AKAP6: variants seen among roughly 807,000 people sequenced by gnomAD.
AKAP6 encodes A-kinase anchoring protein 6.
Under a neutral mutation model 188.5 loss-of-function variants are expected in AKAP6, and 58 were observed. The ratio of observed to expected loss-of-function variants is 0.31; its 90% CI spans 0.25 to 0.38. The LOEUF (loss-of-function observed/expected upper bound fraction) is 0.38, where lower values mean the gene tolerates loss of function less well. AKAP6 is among the 10% of genes least tolerant of loss of function. AKAP6 has a pLI of 1.00. For missense variants in AKAP6, 2,710 were observed against 2,740.0 expected (o/e 0.99, Z 0.24); for synonymous variants, 989 against 998.6 (o/e 0.99, Z 0.18).
chr14:32,518,482 G>A (rs1881641209), intron 2 of AKAP6, among the ~76,000 whole-genome samples: 1 of 152,142 alleles, frequency 6.6e-6, no homozygotes, highest in Non-Finnish European at 1.5e-5. Flanking sequence ...AGAATAAACA[G>A]CATAGAAAAG....
At chr14:32,441,180 ATGAC>A (rs563168618) in intron 2 of AKAP6, among the ~76,000 whole-genome samples, 43 of 152,212 alleles carry the variant, frequency 2.8e-4, no homozygotes, top group African/African-American at 1.0e-3. Flanking sequence ...AGTAGTCTGA[ATGAC>A]TGACTGTACA....
chr14:32,365,098 C>A (rs1400887361), intron 1 of AKAP6, among the ~76,000 whole-genome samples: 3 of 152,260 alleles, frequency 2.0e-5, no homozygotes, highest in East Asian at 1.9e-4. Context: ...TGGACTCCCT[C>A]ACTGTTCAAC....
At chr14:32,548,408 T>C (rs1291520169) in intron 4 of AKAP6, among the ~76,000 whole-genome samples, 1 of 113,370 alleles carries the variant, frequency 8.8e-6, no homozygotes, top group Non-Finnish European at 1.9e-5. Flanking sequence ...GGCCCATACA[T>C]TTTTTTTTTT....
rs543689341 is a variant in AKAP6 at position 32,835,436 on chromosome 14, T to G, written c.*5631T>G. On this transcript the variant is annotated 3_prime_UTR_variant, in exon 14 of 14. Transcript: ENST00000280979. ...TTGATTGATTTAGAGGGTTAGTCAA[T>G]TACAGACTAAATAATTAGTTCAATC... 1 of 152,326 alleles carries G rather than the reference T, an allele frequency of 6.6e-6. No individual in the cohort carries two copies. The highest frequency in any genetic ancestry group is 1.9e-4 in the East Asian group (1 of 5,184). The allele number at this position is 152,326 out of a possible 1,614,324, so 9.4% of individuals were successfully genotyped here. A position where few individuals can be genotyped will look rare whatever the true frequency, so the allele number is the denominator to read the frequency against.
chr14:32,789,755 A>G (rs2033550988), intron 12 of AKAP6, among the ~76,000 whole-genome samples: 1 of 152,260 alleles, frequency 6.6e-6, no homozygotes. Context: ...AGATAAGCCC[A>G]CAAAATGAGA....
chr14:32,340,340 A>G (rs1223837769), intron 1 of AKAP6, among the ~76,000 whole-genome samples: 1 of 152,170 alleles, frequency 6.6e-6, no homozygotes, highest in East Asian at 1.9e-4. Flanking sequence ...GCAATGTACA[A>G]ATACATTACT....
intron 7 of AKAP6, among the ~76,000 whole-genome samples, chr14:32,626,789 C>T (rs762310520): frequency 3.3e-5 from 5 of 152,096 alleles, no homozygotes; most frequent in South Asian, 2.1e-4. Context: ...CACATTGCTT[C>T]GGTGTGGTTT....
intron 8 of AKAP6, among the ~76,000 whole-genome samples, chr14:32,682,182 T>C (rs1889705381): frequency 6.6e-6 from 1 of 152,158 alleles, no homozygotes; most frequent in African/African-American, 2.4e-5. Flanking sequence ...GAGATGGTTT[T>C]TGAAAGAGGG....
chr14:32,515,693 C>T (rs1360240850), intron 2 of AKAP6, among the ~76,000 whole-genome samples: 1 of 152,138 alleles, frequency 6.6e-6, no homozygotes, highest in African/African-American at 2.4e-5. Flanking sequence ...TTCAGACTCT[C>T]TGATGCCTAG....
intron 1 of AKAP6, among the ~76,000 whole-genome samples, chr14:32,352,103 TTGTGTG>T (rs398024717): frequency 0.093 from 11,164 of 120,278 alleles, 518 homozygotes; most frequent in South Asian, 0.19. Flanking sequence ...GTGTGTGTGT[TTGTGTG>T]TGTGTGTGTG....
At chr14:32,767,941 G>A (rs1298132591) in intron 11 of AKAP6, among the ~76,000 whole-genome samples, 8 of 152,040 alleles carry the variant, frequency 5.3e-5, no homozygotes, top group South Asian at 2.1e-4. Context: ...CCTTTGCCTC[G>A]TATTTATTTC....
At chr14:32,777,706 C>T (rs1341533790) in intron 12 of AKAP6, among the ~76,000 whole-genome samples, 1 of 152,138 alleles carries the variant, frequency 6.6e-6, no homozygotes, top group Middle Eastern at 3.2e-3. Flanking sequence ...TATCTTCAAG[C>T]AGCCTAATTG....
intron 1 of AKAP6, among the ~76,000 whole-genome samples, chr14:32,364,026 CAG>C (rs143856287): frequency 0.023 from 3,436 of 152,222 alleles, 124 homozygotes; most frequent in African/African-American, 0.077. Context: ...AGGATGAAGT[CAG>C]GGGGCTGTGT....
intron 2 of AKAP6, among the ~76,000 whole-genome samples, chr14:32,499,236 T>A (rs1880479954): frequency 6.6e-6 from 1 of 151,694 alleles, no homozygotes; most frequent in Non-Finnish European, 1.5e-5. Flanking sequence ...TGTGTTCACC[T>A]TATGATTATT....
intron 11 of AKAP6, among the ~76,000 whole-genome samples, chr14:32,747,872 C>A (rs905913818): frequency 3.3e-5 from 5 of 152,200 alleles, no homozygotes; most frequent in Admixed American, 6.5e-5. Flanking sequence ...GTAGAGAGTT[C>A]TGCCCTTGAT....
At chr14:32,786,092 C>T (rs727286) in intron 12 of AKAP6, among the ~76,000 whole-genome samples, 79,934 of 151,582 alleles carry the variant, frequency 0.53, 21,559 homozygotes, top group Non-Finnish European at 0.56. Flanking sequence ...TCTGGGGAGA[C>T]AGTAACAATG....
At chr14:32,453,287 A>G (rs1344517731) in intron 2 of AKAP6, among the ~76,000 whole-genome samples, 28 of 152,190 alleles carry the variant, frequency 1.8e-4, no homozygotes, top group Non-Finnish European at 4.4e-5. Context: ...AACTGCTGAC[A>G]TGTGGCAGAA....
At chr14:32,371,090 G>C (rs1265050889) in intron 1 of AKAP6, among the ~76,000 whole-genome samples, 2 of 145,208 alleles carry the variant, frequency 1.4e-5, no homozygotes, top group Non-Finnish European at 3.1e-5. Flanking sequence ...TCAGAAACAG[G>C]AAAAGTAACT....
rs567547491 is a variant in AKAP6, at chr14:32,461,760, A to G, written c.324+27943A>G. 4.6e-5 allele frequency among the ~76,000 whole-genome samples: 7 copies of G among 152,194 alleles called. No homozygotes were observed. In the South Asian group the frequency reaches 1.5e-3, roughly 32 times the overall value. ...CAAATTGACAGAAGTAGGCTTCAGA[A>G]GGTGGGTAATAATGAACTCCTCTGA... On this transcript the variant is annotated intron_variant, in intron 2 of 13. Coordinates refer to ENST00000280979, the MANE Select transcript of AKAP6 (RefSeq NM_004274.5).
Sources: allele counts gnomAD v4.1 joint callset (sites outside exome capture counted in the v4.1 genomes callset), GRCh38; gene constraint gnomAD v4.1.1; transcripts MANE v1.5; gene names NCBI Gene and HGNC (gene_info 2026-07-23, HGNC 2026-07-21).